Variants in NOTCH2NLR observed in about 807,000 individuals in gnomAD.
NOTCH2NLR encodes notch 2 N-terminal like R, also known as notch 2 N-terminal like R (pseudogene).
NOTCH2NLR carries 33 observed loss-of-function variants against 35.6 expected under a neutral mutation model. That is an observed-to-expected ratio of 0.93 (90% CI 0.70 to 1.24). The LOEUF (loss-of-function observed/expected upper bound fraction) is 1.24, where lower values mean the gene tolerates loss of function less well. Ranked by LOEUF, NOTCH2NLR falls within the 50% of genes most tolerant of loss-of-function variation. The pLI is 0.00. For missense variants in NOTCH2NLR, 276 were observed against 362.2 expected (o/e 0.76, Z 1.93); for synonymous variants, 103 against 141.0 (o/e 0.73, Z 1.91).
At chr1:120,769,952 C>CA (rs1247872267) in intron 2 of NOTCH2NLR, among the ~76,000 whole-genome samples, 3 of 107,912 alleles carry the variant, frequency 2.8e-5, no homozygotes, top group Middle Eastern at 4.1e-3. Flanking sequence ...AAGAGAGTGC[C>CA]AAAAAACTCA....
intron 1 of NOTCH2NLR, among the ~76,000 whole-genome samples, chr1:120,727,322 G>T (rs1206805769): frequency 9.3e-6 from 1 of 107,240 alleles, no homozygotes; most frequent in Non-Finnish European, 1.7e-5. Flanking sequence ...GTGTGTGTAT[G>T]AGGTCTTTCT....
In NOTCH2NLR at chr1:120,783,551, T is replaced by G. The variant is rs1376676482; in HGVS notation, c.156-1423T>G. On this transcript the variant is annotated intron_variant, in intron 2 of 4. Transcript: ENST00000624419. ...AAGTTTCTTGGGAAGATGATCTCCT[T>G]TTACAAATGTTTAGTTTCAAATAGT... Among the ~76,000 whole-genome samples, 5 of 58,404 alleles carry G rather than the reference T, an allele frequency of 8.6e-5. No individual in the cohort carries two copies. The East Asian group carries it at 1.2e-3, about 14-fold the overall frequency. The allele number at this position is 58,404 out of a possible 152,430, so 38.3% of individuals were successfully genotyped here.
At chr1:120,765,077 G>A (rs1371787787) in intron 2 of NOTCH2NLR, among the ~76,000 whole-genome samples, 1 of 106,116 alleles carries the variant, frequency 9.4e-6, no homozygotes, top group Non-Finnish European at 1.8e-5. Flanking sequence ...TTAACAATAG[G>A]TTGTTTGGAT....
Position 120,765,025 on chromosome 1 carries a change from T to G in NOTCH2NLR, c.155+1316T>G, listed in dbSNP as rs1254550196. On this transcript the variant is annotated intron_variant, in intron 2 of 4. Coordinates refer to ENST00000624419, the Ensembl canonical transcript of NOTCH2NLR. ...TTTTTCAAGTCAGAAATAATTTTCT[T>G]CACTAAAGTGAAAATATTTTAAGCT... Among the ~76,000 whole-genome samples the G allele has an allele frequency of 8.6e-5, 8 of 92,834 alleles. 1 individual carries two copies. Among genetic ancestry groups the G allele is most frequent in the Non-Finnish European group, 1.4e-4 (7 of 50,286 alleles). The allele number at this position is 92,834 out of a possible 152,430, so 60.9% of individuals were successfully genotyped here.
At chr1:120,770,214 G>T (rs1349277118) in intron 2 of NOTCH2NLR, among the ~76,000 whole-genome samples, 1 of 99,972 alleles carries the variant, frequency 1.0e-5, no homozygotes, top group Non-Finnish European at 1.8e-5. Flanking sequence ...CTGTGGCCCA[G>T]GCTGGAGTGC....
rs1220252750 is a variant in NOTCH2NLR at position 120,789,937 on chromosome 1, G to C, written c.416-3224G>C. 2.8e-4 allele frequency among the ~76,000 whole-genome samples: 22 copies of C among 79,358 alleles called. 3 individuals are homozygous for C. Among genetic ancestry groups the C allele is most frequent in the Non-Finnish European group, 4.2e-4 (19 of 45,654 alleles). The allele number at this position is 79,358 out of a possible 152,430, so 52.1% of individuals were successfully genotyped here. On this transcript the variant is annotated intron_variant, in intron 3 of 4. Coordinates refer to ENST00000624419, the Ensembl canonical transcript of NOTCH2NLR. Reference sequence around the variant, plus strand: ...ATAATTAAAATGTCACTCTGAAATGGTCCCAAATTAAAACTTCTTCCTTGT... The same window carrying C: ...ATAATTAAAATGTCACTCTGAAATGCTCCCAAATTAAAACTTCTTCCTTGT...
chr1:120,726,769 AGAG>A (rs1170945386), intron 1 of NOTCH2NLR, among the ~76,000 whole-genome samples: 1 of 111,502 alleles, frequency 9.0e-6, no homozygotes. Context: ...GGTGTGGTGG[AGAG>A]GAGGAGAAGA....
chr1:120,788,106 G>A lies in NOTCH2NLR; in HGVS notation c.415+2873G>A, dbSNP rs1240225927. On this transcript the variant is annotated intron_variant, in intron 3 of 4. Coordinates refer to ENST00000624419, the Ensembl canonical transcript of NOTCH2NLR. ...GTAGTCCCGCCTGGATTGGGCTGTT[G>A]TAGTTGCCCATTGACCTTAATCACA... Among the ~76,000 whole-genome samples the A allele has an allele frequency of 3.3e-5, 2 of 60,402 alleles. 1 individual carries two copies. Among genetic ancestry groups the A allele is most frequent in the Non-Finnish European group, 5.6e-5 (2 of 35,932 alleles). 39.6% of individuals were successfully genotyped at this position (60,402 alleles called of 152,430 possible).
rs1334284191 is a variant in NOTCH2NLR at position 120,785,277 on chromosome 1, A to T, written c.415+44A>T. 27 of 1,422,288 alleles carry T rather than the reference A, an allele frequency of 1.9e-5. 9 individuals carry two copies. Among genetic ancestry groups the T allele is most frequent in the Middle Eastern group, 3.6e-4 (2 of 5,622 alleles). The allele number at this position is 1,422,288 out of a possible 1,614,324, so 88.1% of individuals were successfully genotyped here. A position where few individuals can be genotyped will look rare whatever the true frequency, so the allele number is the denominator to read the frequency against. ...GCCAGTGCTTCCCTACCTTCAGCAG[A>T]TACCTTTATTTAGCATCTTTTAGAT... is the stretch of plus-strand genomic sequence containing the variant. On this transcript the variant is annotated intron_variant, in intron 3 of 4. Coordinates refer to ENST00000624419, the Ensembl canonical transcript of NOTCH2NLR.
rs1477866867 is a variant in NOTCH2NLR, at chr1:120,743,896, G to A, written c.73+19646G>A. ...GAGTGGTTGTTTCAGAGAGTTTGCA[G>A]CAATTAGGCTTTATTGGTGCACTAA... On this transcript the variant is annotated intron_variant, in intron 1 of 4. Transcript: ENST00000624419. Among the ~76,000 whole-genome samples, 2 of 113,066 alleles carry A rather than the reference G, an allele frequency of 1.8e-5. 1 individual carries two copies. The highest frequency in any genetic ancestry group is 3.5e-5 in the Non-Finnish European group (2 of 56,496). 74.2% of individuals were successfully genotyped at this position (113,066 alleles called of 152,430 possible).
intron 4 of NOTCH2NLR, 35 bp downstream of exon 4, chr1:120,793,531 C>T: frequency 8.9e-7 from 1 of 1,117,676 alleles, no homozygotes; most frequent in East Asian, 2.5e-5. Context: ...GATTAGGGGA[C>T]AAACCCCTAG....
chr1:120,778,439 C>A lies in NOTCH2NLR; in HGVS notation c.156-6535C>A, dbSNP rs1179771168. Among the ~76,000 whole-genome samples the A allele has an allele frequency of 3.6e-5, 4 of 111,650 alleles. 1 individual carries two copies. Among genetic ancestry groups the A allele is most frequent in the African/African-American group, 1.7e-4 (3 of 17,610 alleles). 73.2% of individuals were successfully genotyped at this position (111,650 alleles called of 152,430 possible). ...GGAGCAGCTTCAGTGCCGACGCAAC[C>A]CACATGAGACTTTTTTTTCCCCTTC... On this transcript the variant is annotated intron_variant, in intron 2 of 4. Transcript: ENST00000624419.
intron 1 of NOTCH2NLR, among the ~76,000 whole-genome samples, chr1:120,755,989 C>G (rs2101392056): frequency 9.4e-6 from 1 of 105,990 alleles, no homozygotes; most frequent in South Asian, 3.0e-4. Context: ...AGGAGGAAGA[C>G]AGATGTTTCT....
Position 120,775,670 on chromosome 1 carries a change from G to T in NOTCH2NLR, c.156-9304G>T, listed in dbSNP as rs1251709966. ...ATGGCAGTCACTACAGAATCTAGCA[G>T]TTCATGCTATTGAGACCACTTTGTA... On this transcript the variant is annotated intron_variant, in intron 2 of 4. Coordinates refer to ENST00000624419, the Ensembl canonical transcript of NOTCH2NLR. 5.4e-5 allele frequency among the ~76,000 whole-genome samples: 3 copies of T among 55,972 alleles called. 1 individual carries two copies. Among genetic ancestry groups the T allele is most frequent in the Admixed American group, 3.5e-4 (2 of 5,764 alleles). The allele number at this position is 55,972 out of a possible 152,430, so 36.7% of individuals were successfully genotyped here.
intron 1 of NOTCH2NLR, among the ~76,000 whole-genome samples, chr1:120,724,816 C>G (rs1306003357): frequency 1.1e-5 from 1 of 94,640 alleles, no homozygotes; most frequent in Non-Finnish European, 2.0e-5. Flanking sequence ...CCAACCCCAC[C>G]GAAAGTCCGG....
In NOTCH2NLR at chr1:120,767,177, T is replaced by TA. The variant is rs1651203722; in HGVS notation, c.155+3475dup. Among the ~76,000 whole-genome samples the TA allele has an allele frequency of 3.5e-5, 4 of 114,246 alleles. 2 individuals are homozygous for TA. Among genetic ancestry groups the TA allele is most frequent in the Non-Finnish European group, 6.6e-5 (4 of 60,308 alleles). The allele number at this position is 114,246 out of a possible 152,430, so 74.9% of individuals were successfully genotyped here. On this transcript the variant is annotated intron_variant, in intron 2 of 4. Transcript: ENST00000624419. ...TAAATATTAAAACACTTAGAAGATT[T>TA]AAAAAAATTCTATCAGGCATGCAGG...
intron 1 of NOTCH2NLR, among the ~76,000 whole-genome samples, chr1:120,748,113 C>CT (rs1186945714): frequency 0.017 from 515 of 29,674 alleles, 14 homozygotes; most frequent in South Asian, 0.042. Flanking sequence ...GTAAAGGCTC[C>CT]TTTTTTTTTT....
chr1:120,724,295 C>A, intron 1 of NOTCH2NLR, 45 bp downstream of exon 1: 3 of 1,367,318 alleles, frequency 2.2e-6, no homozygotes, highest in South Asian at 2.6e-5. Flanking sequence ...CCCGGGGCTG[C>A]CACCTGGGGC....
At chr1:120,778,016 T>C (rs1232242580) in intron 2 of NOTCH2NLR, among the ~76,000 whole-genome samples, 2 of 84,178 alleles carry the variant, frequency 2.4e-5, no homozygotes, top group Non-Finnish European at 4.1e-5. Context: ...GGGAATTGAA[T>C]GTTACATAGG....
Sources: gnomAD v4.1 joint callset for allele counts (sites outside exome capture counted in the v4.1 genomes callset) on GRCh38, gnomAD v4.1.1 for gene constraint, MANE v1.5 for transcripts, NCBI Gene and HGNC (gene_info 2026-07-23, HGNC 2026-07-21) for gene names.